The following TOGARAM2 variants were observed in gnomAD, a reference collection of about 807,000 sequenced individuals.
TOGARAM2 encodes TOG array regulator of axonemal microtubules protein 2.
In TOGARAM2, 85 loss-of-function variants were observed where a neutral mutation model predicts 93.3. That is an observed-to-expected ratio of 0.91 (90% CI 0.76 to 1.09). TOGARAM2 has a LOEUF of 1.09. Among genes scored for constraint, TOGARAM2 ranks in the 50% least tolerant of loss-of-function variants. The pLI is 0.00. For missense variants in TOGARAM2, 1,277 were observed against 1,334.5 expected, an observed-to-expected ratio of 0.96 and a Z score of 0.67; for synonymous variants, 593 against 552.8, an observed-to-expected ratio of 1.07 and a Z score of -1.02.
At chr2:28,967,174 G>T (rs1202580020) in intron 1 of TOGARAM2, among the ~76,000 whole-genome samples, 1 of 152,154 alleles carries the variant, frequency 6.6e-6, no homozygotes, top group Non-Finnish European at 1.5e-5. Flanking sequence ...CAAGAAATTT[G>T]CCAAAGTCTA....
At chr2:28,987,978 G>A (rs1312424473) in intron 1 of TOGARAM2, among the ~76,000 whole-genome samples, 1 of 152,216 alleles carries the variant, frequency 6.6e-6, no homozygotes, top group Non-Finnish European at 1.5e-5. Flanking sequence ...GGGTGAAGTG[G>A]CTCTTGGGAC....
chr2:29,036,789 G>A (rs1456084919), intron 18 of TOGARAM2, 32 bp downstream of exon 18: 12 of 1,588,896 alleles, frequency 7.6e-6, no homozygotes, highest in Non-Finnish European at 9.4e-6. Context: ...GTGTGGCTCT[G>A]GTCACCATGT....
chr2:29,013,495 C>A (rs558827909), intron 7 of TOGARAM2, among the ~76,000 whole-genome samples: 1 of 152,160 alleles, frequency 6.6e-6, no homozygotes, highest in Non-Finnish European at 1.5e-5. Flanking sequence ...AAACCAGGGA[C>A]GCCAACAGTG....
intron 1 of TOGARAM2, among the ~76,000 whole-genome samples, chr2:28,966,140 G>A (rs765357913): frequency 2.4e-4 from 36 of 151,830 alleles, no homozygotes; most frequent in Non-Finnish European, 3.7e-4. Context: ...ACAGGTGTGC[G>A]CCACCACGCC....
chr2:28,967,638 T>A (rs1671885523), intron 1 of TOGARAM2, among the ~76,000 whole-genome samples: 1 of 152,014 alleles, frequency 6.6e-6, no homozygotes, highest in Non-Finnish European at 1.5e-5. Flanking sequence ...AGAAATTAAG[T>A]ATTGAAAAAG....
At chr2:28,992,607 G>T (rs1373147507) in intron 1 of TOGARAM2, among the ~76,000 whole-genome samples, 2 of 152,160 alleles carry the variant, frequency 1.3e-5, no homozygotes, top group African/African-American at 4.8e-5. Flanking sequence ...CAGGCGGCTC[G>T]AGTCTTCTTT....
chr2:29,024,367 G>A lies in TOGARAM2; in HGVS notation c.1846G>A (p.Gly616Ser), dbSNP rs76459983. 171 of 1,603,730 alleles carry A rather than the reference G, an allele frequency of 1.1e-4. 1 individual carries two copies. In the African/African-American group the frequency reaches 2.2e-3, roughly 20 times the overall value. The change falls in exon 13 of 20, where the codon GGT (glycine) becomes AGT (serine). Residue 616 changes from glycine to serine, a missense_variant. Transcript: ENST00000379558. ...CTCCCTGGTGGTCCTCACCTCGGCG[G>A]GTGTCTAGTATGTGGCTGCCTGTTG... ...ARSLVVLTSA[G>S]VYHRNPLIRK...
chr2:28,992,280 T>G (rs1672771727), intron 1 of TOGARAM2, among the ~76,000 whole-genome samples: 2 of 152,174 alleles, frequency 1.3e-5, no homozygotes, highest in Non-Finnish European at 2.9e-5. Flanking sequence ...CAGGCTTGTT[T>G]GTCCATAGCA....
At chr2:28,999,074 AG>A in intron 3 of TOGARAM2, 106 bp from the exon 4 acceptor site, 1 of 1,187,756 alleles carries the variant, frequency 8.4e-7, no homozygotes, top group South Asian at 1.6e-5. Flanking sequence ...GGGTTTCACC[AG>A]GCAAGTGGCT....
chr2:29,032,887 T>G (rs771356820), intron 14 of TOGARAM2, 47 bp from the exon 15 acceptor site: 10 of 1,507,448 alleles, frequency 6.6e-6, no homozygotes, highest in Non-Finnish European at 9.1e-7. Flanking sequence ...AAATTTATTT[T>G]GCATTTCAGA....
intron 16 of TOGARAM2, among the ~76,000 whole-genome samples, chr2:29,034,911 G>A (rs1349888689): frequency 1.3e-5 from 2 of 152,122 alleles, no homozygotes; most frequent in Non-Finnish European, 2.9e-5. Context: ...CAGCACTTTG[G>A]GAGGCCAAGG....
intron 14 of TOGARAM2, among the ~76,000 whole-genome samples, chr2:29,029,726 A>G (rs895466034): frequency 3.4e-5 from 5 of 147,544 alleles, no homozygotes; most frequent in Non-Finnish European, 7.5e-5. Flanking sequence ...ACTGCACTCC[A>G]GCCTGGGCGA....
At chr2:29,004,740 ATGTG>A (rs537741621) in intron 6 of TOGARAM2, among the ~76,000 whole-genome samples, 2 of 53,312 alleles carry the variant, frequency 3.8e-5, no homozygotes, top group East Asian at 5.5e-4. Context: ...GAGTGCATGC[ATGTG>A]TGTGTGTGTC....
chr2:28,998,893 C>T (rs1283289726), intron 3 of TOGARAM2, among the ~76,000 whole-genome samples: 3 of 152,080 alleles, frequency 2.0e-5, no homozygotes, highest in East Asian at 3.9e-4. Flanking sequence ...CCTGGGCAGA[C>T]GACCTTCCCT....
At chr2:29,042,602 C>T (rs548769800) in intron 18 of TOGARAM2, among the ~76,000 whole-genome samples, 5 of 152,322 alleles carry the variant, frequency 3.3e-5, no homozygotes, top group Non-Finnish European at 7.4e-5. Context: ...TCTGCAGCAG[C>T]TTACTCTCAC....
At chr2:28,981,988 A>T (rs1056907212) in intron 1 of TOGARAM2, among the ~76,000 whole-genome samples, 1 of 152,190 alleles carries the variant, frequency 6.6e-6, no homozygotes, top group African/African-American at 2.4e-5. Context: ...CCGTGAGAGC[A>T]TAGGCCTTGG....
At chr2:28,981,130 C>A (rs1301953816), upstream of TOGARAM2, among the ~76,000 whole-genome samples, 1 of 152,256 alleles carries the variant, frequency 6.6e-6, no homozygotes, top group Non-Finnish European at 1.5e-5. Flanking sequence ...CCAGTGCTCT[C>A]TCTTTCTGTG....
chr2:28,960,058 A>C (rs939923371), intron 1 of TOGARAM2, among the ~76,000 whole-genome samples: 1 of 152,226 alleles, frequency 6.6e-6, no homozygotes, highest in African/African-American at 2.4e-5. Context: ...AGAAAAAGCC[A>C]AGTAATACGC....
chr2:28,978,999 A>T (rs1672074768), upstream of TOGARAM2, among the ~76,000 whole-genome samples: 1 of 152,150 alleles, frequency 6.6e-6, no homozygotes, highest in Non-Finnish European at 1.5e-5. Context: ...ATTTTTTTAG[A>T]ATGAGAAAAG....
Sources: gnomAD v4.1 joint callset for allele counts (sites outside exome capture counted in the v4.1 genomes callset) on GRCh38, gnomAD v4.1.1 for gene constraint, MANE v1.5 for transcripts, NCBI Gene and HGNC (gene_info 2026-07-23, HGNC 2026-07-21) for gene names.